Variants in KDM6A observed in about 807,000 individuals in gnomAD.
KDM6A encodes the protein lysine-specific demethylase 6A.
Under a neutral mutation model 117.6 loss-of-function variants are expected in KDM6A, and 11 were observed. The observed-to-expected ratio is 0.09, with a 90% confidence interval of 0.06 to 0.15. KDM6A has a LOEUF of 0.15. KDM6A is among the 10% of genes least tolerant of loss of function. KDM6A has a pLI of 1.00. For missense variants in KDM6A, 799 were observed against 1,077.3 expected (o/e 0.74, Z 3.62); for synonymous variants, 384 against 396.1 (o/e 0.97, Z 0.36).
intron 4 of KDM6A, among the ~76,000 whole-genome samples, chrX:45,007,972 A>G (rs1747363421): frequency 8.9e-6 from 1 of 112,041 alleles, no homozygotes; most frequent in African/African-American, 3.2e-5. Context: ...CTGTTACATA[A>G]TAATGTCAGA....
rs1429941246 is a variant in KDM6A at position 45,061,429 on chromosome X, A to G, written c.1581+10A>G. The G allele has an allele frequency of 1.1e-6, 1 of 939,114 alleles. No homozygotes were observed. The highest frequency in any genetic ancestry group is 1.5e-6 in the Non-Finnish European group (1 of 666,669). 77.4% of individuals were successfully genotyped at this position (939,114 alleles called of 1,213,427 possible). ...ACCACAGAAATTACAGGTATGTAAG[A>G]TGTTTTTGACAAATTGTTTATTAAA... On this transcript the variant is annotated intron_variant, in intron 15 of 29. Transcript: ENST00000611820.
At chrX:45,058,967 A>C in intron 10 of KDM6A, 39 bp from the exon 11 acceptor site, 3 of 1,093,805 alleles carry the variant, frequency 2.7e-6, no homozygotes, top group Non-Finnish European at 3.8e-6. Context: ...TATTAATGGA[A>C]TTCTCTTGAT....
At chrX:45,078,564 T>C in intron 20 of KDM6A, 59 bp downstream of exon 20, 1 of 923,078 alleles carries the variant, frequency 1.1e-6, no homozygotes, top group Middle Eastern at 3.1e-4. Context: ...TCTTTTAACT[T>C]TTCCAGCACT....
intron 6 of KDM6A, among the ~76,000 whole-genome samples, chrX:45,028,829 A>G (rs951475715): frequency 3.6e-5 from 4 of 112,433 alleles, no homozygotes; most frequent in Non-Finnish European, 7.5e-5. Context: ...TTCTGCCCTG[A>G]GTTCTATAAC....
intron 6 of KDM6A, among the ~76,000 whole-genome samples, chrX:45,023,332 G>A (rs1250450843): frequency 4.5e-5 from 5 of 111,296 alleles, no homozygotes; most frequent in African/African-American, 1.6e-4. Context: ...ATAAAATACA[G>A]CGTATTTTCA....
chrX:44,934,837 G>C (rs1334618098), intron 2 of KDM6A, among the ~76,000 whole-genome samples: 2 of 111,269 alleles, frequency 1.8e-5, no homozygotes, highest in African/African-American at 6.5e-5. Context: ...GATAGGAGTA[G>C]ATCCTATATA....
At position 45,070,734 on chromosome X, in the gene KDM6A, T is replaced by A. The variant is rs750060345; in HGVS notation, c.2858+377T>A. The stretch of plus-strand genomic sequence containing the variant: ...TTTTTTTTTTTTTTTTATCAGAGCC[T>A]ATTAAATGTTAGGCTAGGAATGGAC... On this transcript the variant is annotated intron_variant, in intron 18 of 29. Coordinates refer to ENST00000611820, the MANE Select transcript of KDM6A (RefSeq NM_001291415.2). Among the ~76,000 whole-genome samples the A allele has an allele frequency of 2.1e-3, 227 of 108,362 alleles. 1 individual carries two copies. Among genetic ancestry groups the A allele is most frequent in the African/African-American group, 7.3e-3 (216 of 29,692 alleles). The allele number at this position is 108,362 out of a possible 115,157, so 94.1% of individuals were successfully genotyped here.
chrX:45,095,331 TTAGA>T (rs940467700), intron 27 of KDM6A, among the ~76,000 whole-genome samples: 11 of 110,541 alleles, frequency 1.0e-4, no homozygotes, highest in Non-Finnish European at 1.7e-4. Context: ...ATTAAAAGAG[TTAGA>T]TAGAGCTATT....
At chrX:44,978,211 G>A (rs900122978) in intron 4 of KDM6A, among the ~76,000 whole-genome samples, 1 of 112,205 alleles carries the variant, frequency 8.9e-6, no homozygotes, top group African/African-American at 3.2e-5. Flanking sequence ...TTTCTGATCC[G>A]TTTGGGTTTT....
At chrX:44,960,206 C>CTT (rs2038590090) in intron 2 of KDM6A, among the ~76,000 whole-genome samples, 1 of 111,334 alleles carries the variant, frequency 9.0e-6, no homozygotes, top group African/African-American at 3.3e-5. Flanking sequence ...AAGTTTCTTT[C>CTT]TTTGTGGATA....
chrX:44,927,881 T>A (rs1404345464), intron 2 of KDM6A, among the ~76,000 whole-genome samples: 2 of 111,157 alleles, frequency 1.8e-5, no homozygotes, highest in Non-Finnish European at 3.8e-5. Flanking sequence ...TTGAGAAGAC[T>A]ATAGAAATAG....
At chrX:45,047,089 TTTGTA>T (rs2043570766) in intron 8 of KDM6A, among the ~76,000 whole-genome samples, 1 of 111,519 alleles carries the variant, frequency 9.0e-6, no homozygotes, top group East Asian at 2.8e-4. Flanking sequence ...TGTTGTATTC[TTTGTA>T]TTGTATTGTT....
Position 44,961,346 on chromosome X carries a change from T to C in KDM6A, c.288T>C (p.Phe96=). 1 of 1,201,733 alleles carries C rather than the reference T, an allele frequency of 8.3e-7. No homozygotes were observed. The highest frequency in any genetic ancestry group is 1.1e-6 in the Non-Finnish European group (1 of 886,883). The change falls in exon 3 of 30, where the codon TTT becomes TTC. Residue 96 remains phenylalanine, a synonymous_variant. Transcript: ENST00000611820. ...AAGGAAAAGTGGAGTCTGATTTCTTTTGTCAATTAGGTCACTTCAACCTCT... is the reference window on the plus strand; with the variant it reads ...AAGGAAAAGTGGAGTCTGATTTCTTCTGTCAATTAGGTCACTTCAACCTCT... ...KAEGKVESDF[F]CQLGHFNLLL...
At chrX:44,920,448 T>A (rs369375271) in intron 2 of KDM6A, among the ~76,000 whole-genome samples, 169 of 110,753 alleles carry the variant, frequency 1.5e-3, no homozygotes, top group South Asian at 0.012. Context: ...ATTTTATTTT[T>A]TTTTTTTTGA....
At chrX:44,874,404 G>T (rs1035006480) in intron 2 of KDM6A, among the ~76,000 whole-genome samples, 1 of 111,601 alleles carries the variant, frequency 9.0e-6, no homozygotes. Flanking sequence ...CAGGCTGTTC[G>T]TGATGCCTAC....
At chrX:44,962,882 C>T (rs1602360017) in intron 3 of KDM6A, among the ~76,000 whole-genome samples, 1 of 111,837 alleles carries the variant, frequency 8.9e-6, no homozygotes, top group African/African-American at 3.3e-5. Flanking sequence ...GCTGAGTGAT[C>T]AGGGTGGTGG....
intron 2 of KDM6A, among the ~76,000 whole-genome samples, chrX:44,902,002 G>A (rs997334196): frequency 1.8e-5 from 2 of 112,199 alleles, no homozygotes; most frequent in Non-Finnish European, 3.8e-5. Flanking sequence ...CGAGGCAGGC[G>A]GATCACCTGA....
At chrX:45,030,057 G>A (rs756899244) in intron 6 of KDM6A, among the ~76,000 whole-genome samples, 1 of 110,886 alleles carries the variant, frequency 9.0e-6, no homozygotes, top group Non-Finnish European at 1.9e-5. Context: ...TCCCATTTAC[G>A]GGCTCAGACC....
At chrX:45,016,499 ATTTG>A (rs1366675919) in intron 5 of KDM6A, among the ~76,000 whole-genome samples, 5 of 107,136 alleles carry the variant, frequency 4.7e-5, no homozygotes, top group African/African-American at 1.7e-4. Flanking sequence ...GTATGTATGT[ATTTG>A]TTTATTTATT....
Sources: gnomAD v4.1 joint callset for allele counts (sites outside exome capture counted in the v4.1 genomes callset) on GRCh38, gnomAD v4.1.1 for gene constraint, MANE v1.5 for transcripts, NCBI Gene and HGNC (gene_info 2026-07-23, HGNC 2026-07-21) for gene names.